FBN2: variants seen among roughly 807,000 people sequenced by gnomAD.
FBN2 encodes the protein fibrillin-2.
FBN2 carries 105 observed loss-of-function variants against 355.6 expected under a neutral mutation model. That is an observed-to-expected ratio of 0.30 (90% CI 0.25 to 0.35). The LOEUF is 0.35. Ranked by LOEUF, FBN2 falls within the 10% of genes least tolerant of loss-of-function variation. The pLI, the probability that FBN2 is intolerant of heterozygous loss-of-function variation, is 1.00. For missense variants in FBN2, 3,280 were observed against 3,758.7 expected, an observed-to-expected ratio of 0.87 and a Z score of 3.33; for synonymous variants, 1,350 against 1,301.2, an observed-to-expected ratio of 1.04 and a Z score of -0.81.
chr5:128,527,751 T>C (rs1756599451), intron 4 of FBN2, 121 bp downstream of exon 4: 1 of 709,374 alleles, frequency 1.4e-6, no homozygotes, highest in African/African-American at 1.8e-5. Flanking sequence ...AGTTTTAAGG[T>C]ATGGTTTACT....
At chr5:128,511,003 TA>T (rs1173023351) in intron 5 of FBN2, among the ~76,000 whole-genome samples, 1 of 152,172 alleles carries the variant, frequency 6.6e-6, no homozygotes, top group Non-Finnish European at 1.5e-5. Context: ...GGTGTTATGT[TA>T]AAAAATATTT....
At chr5:128,329,715 TA>T (rs1750642372) in intron 33 of FBN2, among the ~76,000 whole-genome samples, 1 of 152,234 alleles carries the variant, frequency 6.6e-6, no homozygotes, top group Non-Finnish European at 1.5e-5. Context: ...CATGTTTCCT[TA>T]AACAGGCATT....
intron 5 of FBN2, among the ~76,000 whole-genome samples, chr5:128,493,136 C>G (rs1240223088): frequency 6.6e-6 from 1 of 151,994 alleles, no homozygotes; most frequent in Non-Finnish European, 1.5e-5. Flanking sequence ...GTGACAAATA[C>G]AGAAATACTG....
chr5:128,314,349 C>T (rs890047722), intron 36 of FBN2, among the ~76,000 whole-genome samples: 4 of 152,022 alleles, frequency 2.6e-5, no homozygotes, highest in African/African-American at 7.2e-5. Flanking sequence ...TTTTTGGGGA[C>T]GGAGTCTTCC....
chr5:128,389,303 G>A (rs1022080426), intron 11 of FBN2, among the ~76,000 whole-genome samples: 1 of 152,212 alleles, frequency 6.6e-6, no homozygotes, highest in South Asian at 2.1e-4. Flanking sequence ...AAGTTGTGGG[G>A]AGAGGCTGCA....
At chr5:128,497,885 T>A (rs527598698) in intron 5 of FBN2, among the ~76,000 whole-genome samples, 229 of 152,318 alleles carry the variant, frequency 1.5e-3, no homozygotes, top group African/African-American at 5.3e-3. Flanking sequence ...AGAACATACT[T>A]AGTGAAATAA....
intron 40 of FBN2, 32 bp downstream of exon 40, chr5:128,309,951 T>C (rs56067608): frequency 6.2e-7 from 1 of 1,610,886 alleles, no homozygotes; most frequent in Non-Finnish European, 8.5e-7. Context: ...TCAACAACTG[T>C]GCTCTAATTA....
chr5:128,495,234 T>C (rs1755624316), intron 5 of FBN2, among the ~76,000 whole-genome samples: 1 of 151,916 alleles, frequency 6.6e-6, no homozygotes, highest in Non-Finnish European at 1.5e-5. Context: ...GATAGATCTA[T>C]AGAGAGTATA....
rs1017340088 is a variant in FBN2 at position 128,289,305 on chromosome 5, A to G, written c.6512-53T>C. The stretch of plus-strand genomic sequence containing the variant: ...CCTCATATAAAAAGATATGCCGGCC[A>G]GGCGCAGTGGCTCATGCTTATAAAT... On this transcript the variant is annotated intron_variant, in intron 51 of 64. Coordinates refer to ENST00000262464, the MANE Select transcript of FBN2 (RefSeq NM_001999.4). 56 of 1,596,070 alleles carry G rather than the reference A, an allele frequency of 3.5e-5. No homozygotes were observed. In the Admixed American group the frequency reaches 9.2e-4, roughly 26 times the overall value.
At chr5:128,303,655 T>A (rs1749781644) in intron 45 of FBN2, among the ~76,000 whole-genome samples, 2 of 152,138 alleles carry the variant, frequency 1.3e-5, no homozygotes, top group Non-Finnish European at 1.5e-5. Context: ...CAACTATGAA[T>A]TCCAGGCTGC....
intron 5 of FBN2, among the ~76,000 whole-genome samples, chr5:128,518,715 A>G (rs1756352595): frequency 6.6e-6 from 1 of 152,216 alleles, no homozygotes. Flanking sequence ...GACTGCTGAC[A>G]GCCATTTTAC....
rs764034451 is a variant in FBN2, at chr5:128,276,117, G to C, written c.7515C>G (p.Ile2505Met). 1 of 1,613,468 alleles carries C rather than the reference G, an allele frequency of 6.2e-7. No homozygotes were observed. Among genetic ancestry groups the C allele is most frequent in the African/African-American group, 1.3e-5 (1 of 74,906 alleles). ...CSQSPKPCNY[I>M]CKNTEGSYQC... Reference sequence around the variant, plus strand: ...GATAACTCCCCTCAGTGTTCTTGCAGATGTAGTTGCATGGTTTCGGGGACT... The same window carrying C: ...GATAACTCCCCTCAGTGTTCTTGCACATGTAGTTGCATGGTTTCGGGGACT... The change falls in exon 59 of 65, where the codon ATC (isoleucine) becomes ATG (methionine). Residue 2505 changes from isoleucine to methionine, a missense_variant. Ile to Met is a conservative substitution (Grantham distance 10, BLOSUM62 1). Transcript: ENST00000262464.
In FBN2 at chr5:128,510,780, T is replaced by C. The variant is rs1455907951; in HGVS notation, c.628+8493A>G. Among the ~76,000 whole-genome samples, 3 of 152,316 alleles carry C rather than the reference T, an allele frequency of 2.0e-5. No individual in the cohort carries two copies. In the East Asian group the frequency reaches 5.8e-4, roughly 29 times the overall value. ...CTTTAATTCAATGGTATCATGTGCC[T>C]TGTTATCAGTACTCATATTGAACTG... is the stretch of plus-strand genomic sequence containing the variant. On this transcript the variant is annotated intron_variant, in intron 5 of 64. Transcript: ENST00000262464.
chr5:128,434,394 G>GCATATATATATATATATA (rs1554068954), intron 7 of FBN2, among the ~76,000 whole-genome samples: 8 of 91,680 alleles, frequency 8.7e-5, no homozygotes, highest in South Asian at 7.7e-4. Context: ...AATAAAGTGT[G>GCATATATATATATATATA]TATATATATA....
chr5:128,475,456 A>C (rs1754984120), intron 5 of FBN2, among the ~76,000 whole-genome samples: 1 of 152,194 alleles, frequency 6.6e-6, no homozygotes, highest in Non-Finnish European at 1.5e-5. Flanking sequence ...GTTGTCTGGA[A>C]GTCAGTGAGA....
chr5:128,340,462 A>G (rs1332979150), intron 25 of FBN2, among the ~76,000 whole-genome samples: 1 of 152,246 alleles, frequency 6.6e-6, no homozygotes, highest in Non-Finnish European at 1.5e-5. Flanking sequence ...TTATTGATTC[A>G]ATTAAGTAGC....
In FBN2 at chr5:128,261,753, C is replaced by G. The variant is rs76756898; in HGVS notation, c.8347G>C (p.Glu2783Gln). Residue 2783 changes from glutamate (E) to glutamine (Q), a missense_variant, in exon 64 of 65, where the codon GAA becomes CAA. Physicochemically the swap from Glu to Gln is conservative, Grantham distance 29. Coordinates refer to ENST00000262464, the MANE Select transcript of FBN2 (RefSeq NM_001999.4). ...KDSRQKRSIH[E>Q]PDPTAVEQIS... ...ATACTCACAGCAGTGGGATCAGGTT[C>G]ATGAATACTTCTCTTCTGCCTGCTG... 1.1e-3 allele frequency: 1,810 copies of G among 1,614,194 alleles called. 27 individuals carry two copies. The African/African-American group carries it at 0.019, about 17-fold the overall frequency.
intron 36 of FBN2, among the ~76,000 whole-genome samples, chr5:128,317,164 C>T (rs1432027947): frequency 2.0e-5 from 3 of 152,106 alleles, no homozygotes. Flanking sequence ...CTGTGACTCC[C>T]CCATCCCTAA....
At chr5:128,436,901 C>T (rs1039110663) in intron 7 of FBN2, among the ~76,000 whole-genome samples, 1 of 152,272 alleles carries the variant, frequency 6.6e-6, no homozygotes. Context: ...ATGTAGATCA[C>T]TCACCCTAAC....
Sources: allele counts gnomAD v4.1 joint callset (sites outside exome capture counted in the v4.1 genomes callset), GRCh38; gene constraint gnomAD v4.1.1; transcripts MANE v1.5; gene names NCBI Gene and HGNC (gene_info 2026-07-23, HGNC 2026-07-21).